Variants in SLC1A1 observed in about 807,000 individuals in gnomAD.
SLC1A1 encodes excitatory amino acid transporter 3.
A neutral mutation model predicts 53.3 loss-of-function variants in SLC1A1; 43 were observed. The ratio of observed to expected loss-of-function variants is 0.81; its 90% confidence interval spans 0.63 to 1.04. The LOEUF is 1.04. SLC1A1 is among the 50% of genes least tolerant of loss of function. The probability of loss-of-function intolerance (pLI) is 0.00; values close to 1 mark genes in which losing one functional copy is unlikely to be tolerated. For synonymous variants in SLC1A1, 307 were observed against 243.2 expected (o/e 1.26, Z -2.44); for missense variants, 748 against 664.9 (o/e 1.12, Z -1.37).
chr9:4,497,333 C>G (rs1820467753), intron 1 of SLC1A1, among the ~76,000 whole-genome samples: 1 of 152,202 alleles, frequency 6.6e-6, no homozygotes, highest in African/African-American at 2.4e-5. Flanking sequence ...GCCTCTGCTT[C>G]TAACCACTAT....
chr9:4,518,442 C>A (rs10114781), intron 1 of SLC1A1, among the ~76,000 whole-genome samples: 46,130 of 151,596 alleles, frequency 0.3, 7,173 homozygotes, highest in Admixed American at 0.37. Flanking sequence ...TCTCAGCTCA[C>A]TGAAGCCTCA....
chr9:4,519,481 C>G (rs934298207), intron 1 of SLC1A1, among the ~76,000 whole-genome samples: 4 of 152,182 alleles, frequency 2.6e-5, no homozygotes, highest in Non-Finnish European at 5.9e-5. Context: ...TTTTCATTAT[C>G]TGATCCTGCT....
chr9:4,566,372 G>A (rs563880015), intron 5 of SLC1A1, among the ~76,000 whole-genome samples: 1 of 152,130 alleles, frequency 6.6e-6, no homozygotes, highest in African/African-American at 2.4e-5. Flanking sequence ...CAAATAATGA[G>A]TATTTTAAAA....
chr9:4,495,874 G>A (rs186257327), intron 1 of SLC1A1, among the ~76,000 whole-genome samples: 1 of 152,286 alleles, frequency 6.6e-6, no homozygotes, highest in Admixed American at 6.5e-5. Context: ...GCAAAACAGA[G>A]AGTCCTGGAA....
chr9:4,496,022 G>A lies in SLC1A1; in HGVS notation c.91+5252G>A, dbSNP rs72698034. On this transcript the variant is annotated intron_variant, in intron 1 of 11. Coordinates refer to ENST00000262352, the MANE Select transcript of SLC1A1 (RefSeq NM_004170.6). ...CTGGTGCTCAGGAGACAAATGTGGA[G>A]TGGAGTGTCGACTTAAGACAGCATG... Among the ~76,000 whole-genome samples, 190 of 152,300 alleles carry A rather than the reference G, an allele frequency of 1.2e-3. 1 individual carries two copies. Among genetic ancestry groups the A allele is most frequent in the Admixed American group, 3.1e-3 (48 of 15,298 alleles).
intron 1 of SLC1A1, among the ~76,000 whole-genome samples, chr9:4,493,349 G>A (rs898446844): frequency 4.6e-5 from 7 of 152,152 alleles, no homozygotes; most frequent in Admixed American, 3.3e-4. Flanking sequence ...TGTGTAGTCT[G>A]TAAGGGCTGA....
At chr9:4,540,259 C>G (rs1465855594) in intron 1 of SLC1A1, among the ~76,000 whole-genome samples, 1 of 152,078 alleles carries the variant, frequency 6.6e-6, no homozygotes, top group African/African-American at 2.4e-5. Flanking sequence ...CTTTTCAGCT[C>G]CCCTCCATTG....
At chr9:4,546,885 ATATAC>A (rs1280074291) in intron 2 of SLC1A1, among the ~76,000 whole-genome samples, 1 of 152,172 alleles carries the variant, frequency 6.6e-6, no homozygotes, top group African/African-American at 2.4e-5. Flanking sequence ...AATTGTACAT[ATATAC>A]TATATTTTGC....
intron 1 of SLC1A1, among the ~76,000 whole-genome samples, chr9:4,540,653 T>A (rs961070704): frequency 3.9e-5 from 6 of 152,200 alleles, no homozygotes; most frequent in Non-Finnish European, 8.8e-5. Context: ...GACTCCCTTC[T>A]GCAAGGGGTG....
chr9:4,573,137 C>T (rs1294137487), intron 7 of SLC1A1, among the ~76,000 whole-genome samples: 1 of 152,362 alleles, frequency 6.6e-6, no homozygotes, highest in East Asian at 1.9e-4. Context: ...CATCCGTGAG[C>T]ATACCAGTGA....
chr9:4,541,301 G>A (rs756226631), intron 1 of SLC1A1, among the ~76,000 whole-genome samples: 12 of 152,190 alleles, frequency 7.9e-5, no homozygotes, highest in East Asian at 3.8e-4. Flanking sequence ...TCAGTGCTTC[G>A]AAGTTAAAAG....
intron 1 of SLC1A1, among the ~76,000 whole-genome samples, chr9:4,506,799 G>T (rs920930351): frequency 3.3e-5 from 5 of 152,174 alleles, no homozygotes; most frequent in Admixed American, 6.5e-5. Flanking sequence ...AGATCACAGT[G>T]TGTGGAGTAT....
At chr9:4,535,698 G>GA (rs1419677666) in intron 1 of SLC1A1, among the ~76,000 whole-genome samples, 346 of 152,062 alleles carry the variant, frequency 2.3e-3, no homozygotes, top group African/African-American at 8.0e-3. Context: ...CACAGAATTG[G>GA]AAAAAACTAC....
Position 4,583,175 on chromosome 9 carries a change from G to T in SLC1A1, c.1328+3G>T. ...ATCATTGCTGTCGACTGGCTCCTGT[G>T]AGTTGGAATAAATGCACTGCCTTAG... On this transcript the variant is annotated splice_donor_region_variant and intron_variant, in intron 11 of 11. Coordinates refer to ENST00000262352, the MANE Select transcript of SLC1A1 (RefSeq NM_004170.6). This position sits in a 1 kb window ranked among gnomAD's most constrained non-coding sequence, Gnocchi z 4.6. 6.2e-7 allele frequency: 1 copy of T among 1,614,214 alleles called. No homozygotes were observed. The highest frequency in any genetic ancestry group is 1.1e-5 in the South Asian group (1 of 91,084).
At chr9:4,508,170 T>C (rs1306415859) in intron 1 of SLC1A1, among the ~76,000 whole-genome samples, 1 of 152,054 alleles carries the variant, frequency 6.6e-6, no homozygotes, top group Non-Finnish European at 1.5e-5. Context: ...GCAAACAAGA[T>C]GATAGGTAGA....
At chr9:4,527,793 T>C (rs1263821666) in intron 1 of SLC1A1, among the ~76,000 whole-genome samples, 1 of 152,146 alleles carries the variant, frequency 6.6e-6, no homozygotes, top group Non-Finnish European at 1.5e-5. Flanking sequence ...ACTTCACTGA[T>C]CTAGTAGATG....
chr9:4,494,883 T>C (rs563723550), intron 1 of SLC1A1, among the ~76,000 whole-genome samples: 1 of 152,318 alleles, frequency 6.6e-6, no homozygotes, highest in South Asian at 2.1e-4. Context: ...ATGCCATTAC[T>C]TCTGTCATTT....
chr9:4,582,569 A>G (rs1821198561), intron 10 of SLC1A1, among the ~76,000 whole-genome samples: 2 of 152,134 alleles, frequency 1.3e-5, no homozygotes, highest in African/African-American at 4.8e-5. Context: ...AATTCCTGCC[A>G]TATATTAGGT....
intron 1 of SLC1A1, among the ~76,000 whole-genome samples, chr9:4,514,092 G>A (rs1821083985): frequency 6.6e-6 from 1 of 152,312 alleles, no homozygotes; most frequent in African/African-American, 2.4e-5. Flanking sequence ...GCGTGATGGA[G>A]CTGTTCTATA....
Sources: gnomAD v4.1 joint callset for allele counts (sites outside exome capture counted in the v4.1 genomes callset) on GRCh38, gnomAD v4.1.1 for gene constraint, Gnocchi (gnomAD v3.1) non-coding constraint, MANE v1.5 for transcripts, NCBI Gene and HGNC (gene_info 2026-07-23, HGNC 2026-07-21) for gene names.